The following CSMD3 variants were observed in gnomAD, a reference collection of about 807,000 sequenced individuals.
CSMD3 encodes CUB and sushi domain-containing protein 3.
A neutral mutation model predicts 435.2 loss-of-function variants in CSMD3; 177 were observed. The ratio of observed to expected loss-of-function variants is 0.41; its 90% CI spans 0.36 to 0.46. CSMD3 has a LOEUF of 0.46. Among genes scored for constraint, CSMD3 ranks in the 20% least tolerant of loss-of-function variants. CSMD3 has a pLI of 0.34. For synonymous variants in CSMD3, 1,656 were observed against 1,520.5 expected (o/e 1.09, Z -2.07); for missense variants, 4,265 against 4,504.6 (o/e 0.95, Z 1.52).
chr8:112,690,092 G>A (rs2131826135), intron 13 of CSMD3, 42 bp from the exon 14 acceptor site: 4 of 1,435,580 alleles, frequency 2.8e-6, no homozygotes, highest in Non-Finnish European at 3.9e-6. Context: ...AAGGGTTGCA[G>A]GCATATGATA....
chr8:112,958,124 T>C (rs1342930831), intron 7 of CSMD3, among the ~76,000 whole-genome samples: 1 of 152,116 alleles, frequency 6.6e-6, no homozygotes, highest in Non-Finnish European at 1.5e-5. Context: ...TGAACTATGA[T>C]GGGAGGAAGT....
intron 10 of CSMD3, among the ~76,000 whole-genome samples, chr8:112,911,317 T>C (rs1304411245): frequency 6.6e-6 from 1 of 151,954 alleles, no homozygotes; most frequent in Admixed American, 6.6e-5. Context: ...ATATATGATA[T>C]TTTGATATTT....
At chr8:113,293,503 C>A (rs2132542524) in intron 2 of CSMD3, among the ~76,000 whole-genome samples, 1 of 152,174 alleles carries the variant, frequency 6.6e-6, no homozygotes, top group East Asian at 1.9e-4. Context: ...ATAGGGTGAG[C>A]ATCTGCTGAT....
Position 112,295,835 on chromosome 8 carries a change from A to C in CSMD3, c.8612T>G (p.Val2871Gly). The change falls in exon 54 of 71, where the codon GTG (valine) becomes GGG (glycine). Residue 2871 changes from valine (V) to glycine (G), a missense_variant and splice_region_variant. By Grantham distance (109) the Val-to-Gly change is moderately radical. Around this residue, in one of 3 missense-constraint regions of CSMD3, gnomAD observed 3,255 missense variants for 3,380.2 expected, o/e 0.96. Coordinates refer to ENST00000297405, the MANE Select transcript of CSMD3 (RefSeq NM_198123.2). ...HNWSGQLPSC[V>G]PVSCGHPGSP... ...TTGCTTTTGCCATGCTTACTTACGCACACAGGATGGGAGCTGACCAGACCA... is the reference window on the plus strand; with the variant it reads ...TTGCTTTTGCCATGCTTACTTACGCCCACAGGATGGGAGCTGACCAGACCA... 1 of 1,613,914 alleles carries C rather than the reference A, an allele frequency of 6.2e-7. No homozygotes were observed. Among genetic ancestry groups the C allele is most frequent in the Non-Finnish European group, 8.5e-7 (1 of 1,179,910 alleles).
At chr8:112,372,624 C>T (rs1423807856) in intron 38 of CSMD3, among the ~76,000 whole-genome samples, 2 of 151,980 alleles carry the variant, frequency 1.3e-5, no homozygotes, top group African/African-American at 2.4e-5. Flanking sequence ...CCGAGGAGGG[C>T]GGATTGCCTG....
rs141976377 is a variant in CSMD3 at position 113,436,761 on chromosome 8, A to G, written c.94T>C (p.Phe32Leu). ...RRCAKCGRLD[F>L]ILMKKMGIKS... ...ATCCCCATTTTCTTCATCAGGATGA[A>G]GTCTAGGCGGCCACATTTAGCGCAT... is the stretch of plus-strand genomic sequence containing the variant. Residue 32 changes from phenylalanine (F) to leucine (L), a missense_variant, in exon 1 of 71, where the codon TTC (phenylalanine) becomes CTC (leucine). Coordinates refer to ENST00000297405, the MANE Select transcript of CSMD3 (RefSeq NM_198123.2). The G allele has an allele frequency of 8.1e-6, 13 of 1,614,166 alleles. No individual in the cohort carries two copies. The highest frequency in any genetic ancestry group is 1.0e-5 in the Non-Finnish European group (12 of 1,180,032).
chr8:113,210,598 TG>T (rs1223703835), intron 3 of CSMD3, among the ~76,000 whole-genome samples: 1 of 151,854 alleles, frequency 6.6e-6, no homozygotes, highest in Non-Finnish European at 1.5e-5. Flanking sequence ...AGAAAGGCTG[TG>T]GGGCGCAGTG....
At chr8:112,901,769 G>A (rs2130443733) in intron 10 of CSMD3, among the ~76,000 whole-genome samples, 1 of 151,304 alleles carries the variant, frequency 6.6e-6, no homozygotes, top group Non-Finnish European at 1.5e-5. Flanking sequence ...TTAGTAGACA[G>A]GATAGTTCAA....
intron 3 of CSMD3, among the ~76,000 whole-genome samples, chr8:113,204,849 G>C (rs958402610): frequency 2.0e-5 from 3 of 152,094 alleles, no homozygotes; most frequent in Non-Finnish European, 4.4e-5. Context: ...CTTTACAAAA[G>C]AAAGACGTTT....
intron 3 of CSMD3, among the ~76,000 whole-genome samples, chr8:113,258,700 C>A (rs1230111472): frequency 6.6e-6 from 1 of 151,988 alleles, no homozygotes; most frequent in East Asian, 1.9e-4. Context: ...AAAGGCTTAA[C>A]GGAGCAGAGG....
intron 13 of CSMD3, among the ~76,000 whole-genome samples, chr8:112,775,165 A>T (rs910114363): frequency 6.6e-6 from 1 of 151,786 alleles, no homozygotes. Context: ...ATGCACTACC[A>T]TCATAATATA....
Position 112,390,686 on chromosome 8 carries a change from A to G in CSMD3, c.5912T>C (p.Val1971Ala). The G allele has an allele frequency of 6.2e-7, 1 of 1,613,534 alleles. No homozygotes were observed. Among genetic ancestry groups the G allele is most frequent in the East Asian group, 2.2e-5 (1 of 44,854 alleles). The stretch of plus-strand genomic sequence containing the variant: ...TACTTGAATGCCAGCTCCCTCTGGC[A>G]CTGTGATCTTCCACACACAATTCAG... ...NNLNCVWKIT[V>A]PEGAGIQVQV... The change falls in exon 36 of 71, where the codon GTG becomes GCG. Residue 1971 changes from valine (V) to alanine (A), a missense_variant. Physicochemically the swap from Val to Ala is moderately conservative, Grantham distance 64. Around this residue, in one of 3 missense-constraint regions of CSMD3, gnomAD observed 3,255 missense variants for 3,380.2 expected, o/e 0.96. Coordinates refer to ENST00000297405, the MANE Select transcript of CSMD3 (RefSeq NM_198123.2).
chr8:113,390,320 A>G (rs2094456346), intron 1 of CSMD3, among the ~76,000 whole-genome samples: 1 of 151,804 alleles, frequency 6.6e-6, no homozygotes, highest in Non-Finnish European at 1.5e-5. Context: ...ATCTCCATGC[A>G]GTATTTCACT....
Position 112,222,982 on chromosome 8 carries a change from C to A in CSMD3, c.*1789G>T, listed in dbSNP as rs1812287148. 1 of 396,888 alleles carries A rather than the reference C, an allele frequency of 2.5e-6. No homozygotes were observed. Among genetic ancestry groups the A allele is most frequent in the South Asian group, 1.3e-4 (1 of 7,832 alleles). 24.6% of individuals were successfully genotyped at this position (396,888 alleles called of 1,614,324 possible). A position where few individuals can be genotyped will look rare whatever the true frequency, so the allele number is the denominator to read the frequency against. On this transcript the variant is annotated 3_prime_UTR_variant, in exon 71 of 71. Coordinates refer to ENST00000297405, the MANE Select transcript of CSMD3 (RefSeq NM_198123.2). ...TTGTTTACATTGCACTGAAAATTTA[C>A]ATCATACTTTTACAAAGTTTCTTTT...
intron 5 of CSMD3, among the ~76,000 whole-genome samples, chr8:113,080,211 A>C (rs1225888840): frequency 6.6e-6 from 1 of 152,168 alleles, no homozygotes; most frequent in Non-Finnish European, 1.5e-5. Flanking sequence ...TCAACTATAC[A>C]CATGGGAAGA....
intron 4 of CSMD3, among the ~76,000 whole-genome samples, chr8:113,141,919 G>A (rs774691346): frequency 2.8e-4 from 43 of 150,940 alleles, no homozygotes; most frequent in Non-Finnish European, 5.5e-4. Context: ...TAGTACTTCA[G>A]CAGGGTCTCA....
chr8:112,873,435 T>C (rs2081190828), intron 10 of CSMD3, among the ~76,000 whole-genome samples: 1 of 152,044 alleles, frequency 6.6e-6, no homozygotes, highest in South Asian at 2.1e-4. Flanking sequence ...TCATCAGAAA[T>C]ATTGTCTTTT....
At chr8:113,163,573 T>C (rs1444678641) in intron 4 of CSMD3, among the ~76,000 whole-genome samples, 1 of 152,054 alleles carries the variant, frequency 6.6e-6, no homozygotes, top group African/African-American at 2.4e-5. Context: ...ATCCATTAAA[T>C]ATTAAACTGT....
intron 5 of CSMD3, among the ~76,000 whole-genome samples, chr8:113,070,626 C>T (rs2131402094): frequency 6.6e-6 from 1 of 151,910 alleles, no homozygotes; most frequent in Middle Eastern, 3.4e-3. Flanking sequence ...CCTCTGAACC[C>T]CGGCAACCAC....
Sources: allele counts gnomAD v4.1 joint callset (sites outside exome capture counted in the v4.1 genomes callset), GRCh38; gene constraint gnomAD v4.1.1; regional missense constraint gnomAD v4.1.1; transcripts MANE v1.5; gene names NCBI Gene and HGNC (gene_info 2026-07-23, HGNC 2026-07-21).